RTF2: variants seen among roughly 807,000 people sequenced by gnomAD.
RTF2 encodes the protein replication termination factor 2, also known as UPF0549 protein C20orf43.
In RTF2, 18 loss-of-function variants were observed where a neutral mutation model predicts 38.0. The ratio of observed to expected loss-of-function variants is 0.47; its 90% CI spans 0.33 to 0.70. RTF2 has a LOEUF of 0.70. RTF2 is among the 30% of genes least tolerant of loss of function. The probability of loss-of-function intolerance (pLI) is 0.02; values close to 1 mark genes in which losing one functional copy is unlikely to be tolerated. For synonymous variants in RTF2, 126 were observed against 137.1 expected, an observed-to-expected ratio of 0.92 and a Z score of 0.57; for missense variants, 311 against 379.6, an observed-to-expected ratio of 0.82 and a Z score of 1.50.
At chr20:56,499,746 T>G (rs1983804564) in intron 5 of RTF2, among the ~76,000 whole-genome samples, 1 of 152,016 alleles carries the variant, frequency 6.6e-6, no homozygotes, top group Non-Finnish European at 1.5e-5. Flanking sequence ...TCCTTTTATT[T>G]TGTTTTTTGA....
At chr20:56,494,023 G>C (rs1176098547) in intron 5 of RTF2, among the ~76,000 whole-genome samples, 1 of 152,100 alleles carries the variant, frequency 6.6e-6, no homozygotes, top group Non-Finnish European at 1.5e-5. Context: ...TGAGCCTTGG[G>C]TTCCACATCA....
intron 5 of RTF2, among the ~76,000 whole-genome samples, chr20:56,507,256 G>A (rs1228433631): frequency 6.6e-6 from 1 of 152,084 alleles, no homozygotes; most frequent in Non-Finnish European, 1.5e-5. Flanking sequence ...CTCCGCAGTA[G>A]CCCCTACCCT....
intron 5 of RTF2, among the ~76,000 whole-genome samples, chr20:56,486,650 A>C (rs1311468467): frequency 6.6e-6 from 1 of 152,212 alleles, no homozygotes; most frequent in Non-Finnish European, 1.5e-5. Flanking sequence ...CTCCATCTCA[A>C]AAAAATAAAT....
rs1282971635 is a variant in RTF2 at position 56,518,503 on chromosome 20, C to G, written c.*238C>G. On this transcript the variant is annotated 3_prime_UTR_variant, in exon 9 of 9. Transcript: ENST00000357348. ...TCATGCTTGCTTCCACCTGCAGGTG[C>G]ATTTGGTCCTTTCCATGGCCAGGAA... The G allele has an allele frequency of 2.5e-6, 1 of 401,894 alleles. No individual in the cohort carries two copies. Among genetic ancestry groups the G allele is most frequent in the Non-Finnish European group, 4.4e-6 (1 of 227,972 alleles). 24.9% of individuals were successfully genotyped at this position (401,894 alleles called of 1,614,324 possible). A position where few individuals can be genotyped will look rare whatever the true frequency, so the allele number is the denominator to read the frequency against.
chr20:56,468,844 AG>A, intron 1 of RTF2, 78 bp downstream of exon 1: 1 of 1,239,972 alleles, frequency 8.1e-7, no homozygotes, highest in Non-Finnish European at 1.1e-6. Context: ...GGAAGTAAGA[AG>A]GGGGAGCCAG....
chr20:56,474,594 T>C lies in RTF2; in HGVS notation c.165-84T>C, dbSNP rs574953281. The C allele has an allele frequency of 2.1e-5, 17 of 800,490 alleles. No homozygotes were observed. In the African/African-American group the frequency reaches 2.8e-4, roughly 13 times the overall value. The allele number at this position is 800,490 out of a possible 1,614,324, so 49.6% of individuals were successfully genotyped here. A position where few individuals can be genotyped will look rare whatever the true frequency, so the allele number is the denominator to read the frequency against. ...TTCTCTTATCAAATGTAAACGACTT[T>C]TGGATTGTGTTCAGTTTATTCTTCC... On this transcript the variant is annotated intron_variant, in intron 2 of 8. Coordinates refer to ENST00000357348, the MANE Select transcript of RTF2 (RefSeq NM_016407.5).
At chr20:56,493,485 C>T (rs1241569533) in intron 5 of RTF2, among the ~76,000 whole-genome samples, 1 of 151,752 alleles carries the variant, frequency 6.6e-6, no homozygotes, top group East Asian at 1.9e-4. Flanking sequence ...TAGTGAGACC[C>T]CATATCTACA....
intron 8 of RTF2, among the ~76,000 whole-genome samples, chr20:56,517,415 C>T (rs1316564074): frequency 6.6e-6 from 1 of 152,128 alleles, no homozygotes; most frequent in Non-Finnish European, 1.5e-5. Flanking sequence ...GGTCTGGGCA[C>T]AAATGCTGGT....
intron 5 of RTF2, among the ~76,000 whole-genome samples, chr20:56,492,083 A>T (rs936212615): frequency 2.0e-5 from 3 of 152,104 alleles, no homozygotes. Context: ...GCTAGCGCTC[A>T]TTTGCCTGCT....
At chr20:56,490,342 A>G (rs530188492) in intron 5 of RTF2, among the ~76,000 whole-genome samples, 2 of 152,358 alleles carry the variant, frequency 1.3e-5, no homozygotes, top group South Asian at 4.1e-4. Flanking sequence ...ATGATGCTGT[A>G]TGAACTCTTT....
At chr20:56,495,047 T>A (rs897245450) in intron 5 of RTF2, among the ~76,000 whole-genome samples, 4 of 152,222 alleles carry the variant, frequency 2.6e-5, no homozygotes, top group Admixed American at 6.5e-5. Context: ...AAAGTTTTTT[T>A]AAAAAATTGA....
chr20:56,515,857 ATACCTCATAG>A (rs1985013840), intron 6 of RTF2: 1 of 152,248 alleles, frequency 6.6e-6, no homozygotes, highest in Non-Finnish European at 1.5e-5. Flanking sequence ...GCTTCTGGGA[ATACCTCATAG>A]CTACTGCTAC....
At chr20:56,515,865 T>G (rs1285531583) in intron 6 of RTF2, 1 of 152,224 alleles carries the variant, frequency 6.6e-6, no homozygotes, top group Admixed American at 6.5e-5. Flanking sequence ...GAATACCTCA[T>G]AGCTACTGCT....
intron 5 of RTF2, among the ~76,000 whole-genome samples, chr20:56,499,444 G>C (rs1326403927): frequency 6.6e-6 from 1 of 151,860 alleles, no homozygotes; most frequent in Non-Finnish European, 1.5e-5. Flanking sequence ...GCCTCCCAAA[G>C]TGCTGGGATT....
At chr20:56,499,270 C>A (rs576470772) in intron 5 of RTF2, among the ~76,000 whole-genome samples, 2 of 148,308 alleles carry the variant, frequency 1.3e-5, no homozygotes, top group Non-Finnish European at 3.0e-5. Context: ...GATCTCGGCT[C>A]ACCACAATCT....
At chr20:56,482,785 A>G (rs1463457217) in intron 4 of RTF2, among the ~76,000 whole-genome samples, 1 of 152,206 alleles carries the variant, frequency 6.6e-6, no homozygotes, top group Non-Finnish European at 1.5e-5. Flanking sequence ...TTTTCAAGGA[A>G]TGCCTAAAGT....
chr20:56,496,309 A>T (rs1983526285), intron 5 of RTF2, among the ~76,000 whole-genome samples: 1 of 152,176 alleles, frequency 6.6e-6, no homozygotes, highest in African/African-American at 2.4e-5. Flanking sequence ...GCACTTTGGG[A>T]GGCCGAGGCA....
At chr20:56,502,095 A>C (rs943502329) in intron 5 of RTF2, among the ~76,000 whole-genome samples, 1 of 152,236 alleles carries the variant, frequency 6.6e-6, no homozygotes, top group African/African-American at 2.4e-5. Context: ...TTAACCATTC[A>C]GTTGACTGAA....
intron 7 of RTF2, 23 bp downstream of exon 7, chr20:56,517,012 T>C: frequency 6.2e-7 from 1 of 1,612,578 alleles, no homozygotes; most frequent in Non-Finnish European, 8.5e-7. Flanking sequence ...AAGAGATCCT[T>C]ATTTTAGCAA....
Sources: gnomAD v4.1 joint callset for allele counts (sites outside exome capture counted in the v4.1 genomes callset) on GRCh38, gnomAD v4.1.1 for gene constraint, MANE v1.5 for transcripts, NCBI Gene and HGNC (gene_info 2026-07-23, HGNC 2026-07-21) for gene names.